Variants in TRIM5 observed in about 807,000 individuals in gnomAD.
The protein encoded by TRIM5 is tripartite motif containing 5, also known as tripartite motif-containing protein 5.
A neutral mutation model predicts 35.6 loss-of-function variants in TRIM5; 31 were observed. The ratio of observed to expected loss-of-function variants is 0.87; its 90% CI spans 0.65 to 1.18. The LOEUF (loss-of-function observed/expected upper bound fraction) is 1.18. Ranked by LOEUF, TRIM5 falls within the 50% of genes most tolerant of loss-of-function variation. TRIM5 has a pLI of 0.00. For synonymous variants in TRIM5, 243 were observed against 215.6 expected, an observed-to-expected ratio of 1.13 and a Z score of -1.11; for missense variants, 609 against 591.6, an observed-to-expected ratio of 1.03 and a Z score of -0.31.
intron 4 of TRIM5, among the ~76,000 whole-genome samples, chr11:5,677,748 G>A (rs1198030558): frequency 6.6e-6 from 1 of 151,922 alleles, no homozygotes; most frequent in Non-Finnish European, 1.5e-5. Flanking sequence ...GAATTCTATT[G>A]AGCATATAAA....
chr11:5,596,775 A>G, the TRIM5 span: 2 of 1,494,820 alleles, frequency 1.3e-6, no homozygotes, highest in Non-Finnish European at 1.9e-6. Context: ...TTGAGTTTAG[A>G]TAAAAGCCGA....
At chr11:5,605,390 A>C in the TRIM5 span, 1 of 1,614,184 alleles carries the variant, frequency 6.2e-7, no homozygotes, top group Non-Finnish European at 8.5e-7. Context: ...ATCAGCTGCG[A>C]AATATCCTAG....
rs1346289050 is a variant in TRIM5 at position 5,684,933 on chromosome 11, C to G, written c.-127G>C. 1 of 152,228 alleles carries G rather than the reference C, an allele frequency of 6.6e-6. No individual in the cohort carries two copies. The highest frequency in any genetic ancestry group is 2.4e-5 in the African/African-American group (1 of 41,440). 9.4% of individuals were successfully genotyped at this position (152,228 alleles called of 1,614,324 possible). On this transcript the variant is annotated 5_prime_UTR_variant, in exon 1 of 8. Coordinates refer to ENST00000380034, the MANE Select transcript of TRIM5 (RefSeq NM_033034.3). Reference sequence around the variant, plus strand: ...GCCCTCCACAAAATCACTCAATACACCTTCAGACACCAGTGCAGAAGTGGT... The same window carrying G: ...GCCCTCCACAAAATCACTCAATACAGCTTCAGACACCAGTGCAGAAGTGGT...
At chr11:5,636,752 C>G in the TRIM5 span, among the ~76,000 whole-genome samples, 1 of 152,180 alleles carries the variant, frequency 6.6e-6, no homozygotes, top group Admixed American at 6.5e-5. Context: ...ATTAACATTT[C>G]ACTTCTAGAT....
At chr11:5,602,398 A>C in the TRIM5 span, among the ~76,000 whole-genome samples, 18 of 150,020 alleles carry the variant, frequency 1.2e-4, no homozygotes, top group African/African-American at 2.7e-4. Context: ...AGTCGAGATC[A>C]CGCCACTGCA....
the TRIM5 span, among the ~76,000 whole-genome samples, chr11:5,657,706 A>ATATATTTAT: frequency 2.3e-5 from 3 of 130,912 alleles, no homozygotes; most frequent in African/African-American, 8.9e-5. Flanking sequence ...TAATATATAT[A>ATATATTTAT]AATATATATA....
the TRIM5 span, among the ~76,000 whole-genome samples, chr11:5,625,276 G>C: frequency 6.6e-6 from 1 of 152,178 alleles, no homozygotes; most frequent in African/African-American, 2.4e-5. Context: ...GCAGAAGGCC[G>C]CCTTTGTTTT....
At chr11:5,643,838 T>G in the TRIM5 span, 1 of 1,254,586 alleles carries the variant, frequency 8.0e-7, no homozygotes, top group South Asian at 1.5e-5. Flanking sequence ...CCTTGAGATG[T>G]ATGGTGTATT....
intron 4 of TRIM5, among the ~76,000 whole-genome samples, chr11:5,671,311 A>AC (rs1851571742): frequency 7.6e-6 from 1 of 132,270 alleles, no homozygotes; most frequent in South Asian, 2.3e-4. Flanking sequence ...GATTAAAAAA[A>AC]AAACACAAAA....
downstream of TRIM5, among the ~76,000 whole-genome samples, chr11:5,661,956 G>T (rs1205968313): frequency 1.3e-5 from 2 of 152,176 alleles, no homozygotes; most frequent in Admixed American, 6.5e-5. Context: ...AAATGAAAAG[G>T]CATTAATGTC....
the TRIM5 span, among the ~76,000 whole-genome samples, chr11:5,622,870 GACA>G: frequency 1.3e-5 from 2 of 152,352 alleles, no homozygotes; most frequent in East Asian, 1.9e-4. Flanking sequence ...AGGAGGTCCT[GACA>G]ACATGTACCC....
Position 5,664,714 on chromosome 11 carries a change from GA to G in TRIM5, c.*94del. 4.7e-6 allele frequency: 7 copies of G among 1,485,508 alleles called. No homozygotes were observed. The highest frequency in any genetic ancestry group is 4.5e-6 in the Non-Finnish European group (5 of 1,121,938). The allele number at this position is 1,485,508 out of a possible 1,614,324, so 92.0% of individuals were successfully genotyped here. A position where few individuals can be genotyped will look rare whatever the true frequency, so the allele number is the denominator to read the frequency against. ...AAATAGAAAGAAGGGAGACAGCAAGGAAAAGATGGTTAAAATGATGCAAATG... is the reference window on the plus strand; with the variant it reads ...AAATAGAAAGAAGGGAGACAGCAAGGAAAGATGGTTAAAATGATGCAAATG... On this transcript the variant is annotated 3_prime_UTR_variant, in exon 8 of 8. Coordinates refer to ENST00000380034, the MANE Select transcript of TRIM5 (RefSeq NM_033034.3).
intron 4 of TRIM5, chr11:5,677,875 G>A (rs950040855): frequency 4.7e-5 from 10 of 211,278 alleles, no homozygotes; most frequent in Non-Finnish European, 1.9e-5. Context: ...ACGTGTATTT[G>A]TTTGCCAGTG....
chr11:5,634,891 G>A, the TRIM5 span: 2 of 1,602,226 alleles, frequency 1.2e-6, no homozygotes, highest in Non-Finnish European at 1.7e-6. Flanking sequence ...CTGAGATTCT[G>A]GGAACACAGT....
chr11:5,681,972 TA>T (rs1320967235), intron 1 of TRIM5, among the ~76,000 whole-genome samples: 1 of 152,140 alleles, frequency 6.6e-6, no homozygotes, highest in Non-Finnish European at 1.5e-5. Flanking sequence ...CTAATTTTTG[TA>T]TTTTTGGTAC....
chr11:5,654,830 T>C, the TRIM5 span, among the ~76,000 whole-genome samples: 1 of 152,094 alleles, frequency 6.6e-6, no homozygotes, highest in Non-Finnish European at 1.5e-5. Context: ...TAAATGTTAA[T>C]AACACCACAA....
the TRIM5 span, among the ~76,000 whole-genome samples, chr11:5,608,866 T>TTTTTTC: frequency 2.0e-5 from 3 of 148,378 alleles, no homozygotes; most frequent in African/African-American, 7.5e-5. Context: ...TTTTTTTTTT[T>TTTTTTC]TTGAGACAGA....
At chr11:5,641,977 C>T in the TRIM5 span, among the ~76,000 whole-genome samples, 20 of 152,292 alleles carry the variant, frequency 1.3e-4, no homozygotes, top group Admixed American at 5.9e-4. Context: ...AGCCCCGTAT[C>T]ACAGTCAGGA....
At chr11:5,604,881 A>T in the TRIM5 span, 2 of 467,974 alleles carry the variant, frequency 4.3e-6, no homozygotes, top group South Asian at 6.4e-5. Flanking sequence ...CCAATTCATA[A>T]TTCTGGGTCT....
Sources: allele counts gnomAD v4.1 joint callset (sites outside exome capture counted in the v4.1 genomes callset), GRCh38; gene constraint gnomAD v4.1.1; transcripts MANE v1.5; gene names NCBI Gene and HGNC (gene_info 2026-07-23, HGNC 2026-07-21).